Variants in MTHFD1L observed in about 807,000 individuals in gnomAD.
MTHFD1L encodes the protein methylenetetrahydrofolate dehydrogenase (NADP+ dependent) 1 like.
A neutral mutation model predicts 119.5 loss-of-function variants in MTHFD1L; 81 were observed. The ratio of observed to expected loss-of-function variants is 0.68; its 90% CI spans 0.57 to 0.82. The LOEUF (loss-of-function observed/expected upper bound fraction) is 0.82, where lower values mean the gene tolerates loss of function less well. MTHFD1L is among the 40% of genes least tolerant of loss of function. The pLI is 0.00. For missense variants in MTHFD1L, 1,125 were observed against 1,253.4 expected, an observed-to-expected ratio of 0.90 and a Z score of 1.55; for synonymous variants, 430 against 475.2, an observed-to-expected ratio of 0.90 and a Z score of 1.24.
intron 26 of MTHFD1L, among the ~76,000 whole-genome samples, chr6:151,065,742 G>T (rs1385006686): frequency 6.6e-6 from 1 of 152,222 alleles, no homozygotes; most frequent in Non-Finnish European, 1.5e-5. Context: ...CCCAGCCAGG[G>T]TGTGGCCATA....
chr6:151,006,548 C>T (rs561196853), intron 20 of MTHFD1L, among the ~76,000 whole-genome samples: 155 of 152,144 alleles, frequency 1.0e-3, no homozygotes, highest in Middle Eastern at 6.8e-3. Context: ...TACACGGGCG[C>T]ATTGAAGGGG....
intron 16 of MTHFD1L, 118 bp from the exon 17 acceptor site, chr6:150,955,877 G>T: frequency 1.3e-6 from 1 of 785,748 alleles, no homozygotes; most frequent in South Asian, 1.6e-5. Context: ...CAGCTTGGGG[G>T]AGCCTGACCT....
intron 5 of MTHFD1L, among the ~76,000 whole-genome samples, chr6:150,884,141 A>ATTT (rs55821340): frequency 4.7e-4 from 62 of 130,620 alleles, no homozygotes; most frequent in Non-Finnish European, 7.0e-4. Context: ...CCTCATCTCT[A>ATTT]TTTTTTTTTT....
intron 7 of MTHFD1L, among the ~76,000 whole-genome samples, chr6:150,899,485 G>A (rs184791479): frequency 9.2e-5 from 14 of 152,276 alleles, no homozygotes; most frequent in African/African-American, 3.1e-4. Flanking sequence ...GCCAAAGTAC[G>A]ACAACATCTG....
At chr6:150,910,975 G>A (rs1786787521) in intron 8 of MTHFD1L, among the ~76,000 whole-genome samples, 1 of 152,286 alleles carries the variant, frequency 6.6e-6, no homozygotes, top group East Asian at 1.9e-4. Context: ...ATAAAATTAG[G>A]ATCTTTGCTT....
chr6:151,077,292 G>A (rs958505914), intron 26 of MTHFD1L, among the ~76,000 whole-genome samples: 19 of 152,170 alleles, frequency 1.2e-4, no homozygotes, highest in African/African-American at 4.3e-4. Context: ...AGCTTTCAGA[G>A]GGGGAAAAAA....
At chr6:151,061,422 C>G (rs984697808) in intron 26 of MTHFD1L, among the ~76,000 whole-genome samples, 3 of 152,304 alleles carry the variant, frequency 2.0e-5, no homozygotes, top group African/African-American at 7.2e-5. Context: ...ATTTCAGTCT[C>G]TCAGAACAAA....
intron 17 of MTHFD1L, 26 bp from the exon 18 acceptor site, chr6:150,960,249 C>G: frequency 6.3e-7 from 1 of 1,597,446 alleles, no homozygotes; most frequent in South Asian, 1.1e-5. Flanking sequence ...TGTCGCTGAC[C>G]ACTACCTGTG....
At chr6:150,889,416 A>G (rs1341155573) in intron 7 of MTHFD1L, among the ~76,000 whole-genome samples, 1 of 152,220 alleles carries the variant, frequency 6.6e-6, no homozygotes, top group Non-Finnish European at 1.5e-5. Flanking sequence ...TTGCTAAAGA[A>G]AAGGTATATA....
chr6:150,914,763 G>A lies in MTHFD1L; in HGVS notation c.893-3814G>A, dbSNP rs150916754. Reference sequence around the variant, plus strand: ...TGTTTCAAGGACTTAGTTTTTATGCGTTCCTGCTTTCGATATTTGTTGACT... The same window carrying A: ...TGTTTCAAGGACTTAGTTTTTATGCATTCCTGCTTTCGATATTTGTTGACT... On this transcript the variant is annotated intron_variant, in intron 8 of 27. Transcript: ENST00000367321. 1.6e-3 allele frequency among the ~76,000 whole-genome samples: 247 copies of A among 152,312 alleles called. 1 individual carries two copies. The highest frequency in any genetic ancestry group is 5.6e-3 in the African/African-American group (231 of 41,582).
chr6:150,993,653 T>C (rs911563117), intron 20 of MTHFD1L, among the ~76,000 whole-genome samples: 55 of 152,076 alleles, frequency 3.6e-4, no homozygotes, highest in Non-Finnish European at 2.8e-4. Flanking sequence ...ACAGGAAAGC[T>C]CCTGGATTCC....
intron 20 of MTHFD1L, among the ~76,000 whole-genome samples, chr6:150,990,488 T>G (rs1778914594): frequency 6.6e-6 from 1 of 152,204 alleles, no homozygotes; most frequent in African/African-American, 2.4e-5. Flanking sequence ...AGACAGAGTT[T>G]CACTCTTCTT....
chr6:150,939,681 C>CTATTTTTTTTTTT (rs1175796074), intron 13 of MTHFD1L, among the ~76,000 whole-genome samples: 1 of 94,092 alleles, frequency 1.1e-5, no homozygotes, highest in African/African-American at 5.8e-5. Context: ...TCCTTGCAGA[C>CTATTTTTTTTTTT]TCTTTTTTTT....
intron 20 of MTHFD1L, among the ~76,000 whole-genome samples, chr6:151,005,834 G>A (rs1781310821): frequency 6.6e-6 from 1 of 150,884 alleles, no homozygotes; most frequent in African/African-American, 2.4e-5. Context: ...CTGTGTAGAT[G>A]TTTTAGATGG....
intron 11 of MTHFD1L, among the ~76,000 whole-genome samples, chr6:150,933,193 T>C (rs966536508): frequency 2.0e-5 from 3 of 152,174 alleles, no homozygotes; most frequent in Non-Finnish European, 2.9e-5. Flanking sequence ...AGGTCATCTC[T>C]GGGCGTGTCT....
chr6:150,880,142 AC>A (rs1781164398), intron 4 of MTHFD1L, among the ~76,000 whole-genome samples: 3 of 152,202 alleles, frequency 2.0e-5, no homozygotes, highest in Admixed American at 2.0e-4. Context: ...CTGGAAATAT[AC>A]AATACATTGT....
chr6:150,871,458 A>G (rs1412916928), intron 1 of MTHFD1L, among the ~76,000 whole-genome samples: 1 of 149,628 alleles, frequency 6.7e-6, no homozygotes, highest in Admixed American at 6.7e-5. Flanking sequence ...AAACCCTGCA[A>G]CTGCTTTACC....
intron 10 of MTHFD1L, among the ~76,000 whole-genome samples, chr6:150,924,550 C>A (rs1312174318): frequency 6.6e-6 from 1 of 152,170 alleles, no homozygotes; most frequent in Admixed American, 6.5e-5. Context: ...AATCTCAGCT[C>A]ACCTCAACCT....
intron 26 of MTHFD1L, among the ~76,000 whole-genome samples, chr6:151,052,772 C>T (rs1299877057): frequency 6.6e-6 from 1 of 152,178 alleles, no homozygotes; most frequent in Non-Finnish European, 1.5e-5. Context: ...TGCAAGGGCT[C>T]TAGGCCATTC....
Sources: allele counts gnomAD v4.1 joint callset (sites outside exome capture counted in the v4.1 genomes callset), GRCh38; gene constraint gnomAD v4.1.1; transcripts MANE v1.5; gene names NCBI Gene and HGNC (gene_info 2026-07-23, HGNC 2026-07-21).